PPM1L: variants seen among roughly 807,000 people sequenced by gnomAD.
The protein encoded by PPM1L is protein phosphatase, Mg2+/Mn2+ dependent 1L.
PPM1L carries 13 observed loss-of-function variants against 31.4 expected under a neutral mutation model. The ratio of observed to expected loss-of-function variants is 0.41; its 90% CI spans 0.27 to 0.66. PPM1L has a LOEUF of 0.66. PPM1L is among the 30% of genes least tolerant of loss of function. The probability of loss-of-function intolerance (pLI) is 0.29; values close to 1 mark genes in which losing one functional copy is unlikely to be tolerated. For missense variants in PPM1L, 326 were observed against 453.7 expected (o/e 0.72, Z 2.56); for synonymous variants, 184 against 175.4 (o/e 1.05, Z -0.39).
chr3:160,935,737 A>G (rs1007985914), intron 1 of PPM1L, among the ~76,000 whole-genome samples: 1 of 152,230 alleles, frequency 6.6e-6, no homozygotes, highest in Non-Finnish European at 1.5e-5. Context: ...TTGATATTTA[A>G]TTACTAGCTG....
chr3:160,948,663 G>C (rs1715483621), intron 1 of PPM1L, among the ~76,000 whole-genome samples: 1 of 152,182 alleles, frequency 6.6e-6, no homozygotes, highest in Non-Finnish European at 1.5e-5. Context: ...TTTGCTTCAG[G>C]AAAGGGCTCA....
At chr3:160,837,442 C>T (rs1713754558) in intron 1 of PPM1L, among the ~76,000 whole-genome samples, 1 of 152,190 alleles carries the variant, frequency 6.6e-6, no homozygotes, top group Admixed American at 6.5e-5. Flanking sequence ...CTGTTATTGT[C>T]AAGATAAAGT....
chr3:160,843,424 T>TATA (rs1713955149), intron 1 of PPM1L, among the ~76,000 whole-genome samples: 1 of 50,094 alleles, frequency 2.0e-5, no homozygotes, highest in African/African-American at 6.4e-5. Flanking sequence ...ATGGCAATTC[T>TATA]TTTATATATA....
intron 1 of PPM1L, among the ~76,000 whole-genome samples, chr3:160,766,183 T>A (rs762197362): frequency 1.5e-4 from 23 of 152,154 alleles, no homozygotes; most frequent in Non-Finnish European, 2.6e-4. Context: ...GCATTTTTAT[T>A]AATATTTATA....
intron 1 of PPM1L, among the ~76,000 whole-genome samples, chr3:160,918,166 A>G (rs906260146): frequency 1.3e-4 from 20 of 152,202 alleles, no homozygotes; most frequent in African/African-American, 2.4e-4. Flanking sequence ...ACAACCCCAT[A>G]TGGTGATTAC....
At chr3:160,855,115 G>A (rs1711643220) in intron 1 of PPM1L, among the ~76,000 whole-genome samples, 1 of 152,052 alleles carries the variant, frequency 6.6e-6, no homozygotes, top group South Asian at 2.1e-4. Flanking sequence ...ACAAAAACAA[G>A]CAATGGAGAA....
intron 1 of PPM1L, among the ~76,000 whole-genome samples, chr3:160,848,075 C>T (rs1714137283): frequency 6.6e-6 from 1 of 152,138 alleles, no homozygotes; most frequent in Non-Finnish European, 1.5e-5. Context: ...CAGGGTTCAT[C>T]TTTTACTCAT....
chr3:160,863,615 G>C (rs1339225893), intron 1 of PPM1L, among the ~76,000 whole-genome samples: 2 of 152,172 alleles, frequency 1.3e-5, no homozygotes, highest in Admixed American at 1.3e-4. Flanking sequence ...TGTACAGTGT[G>C]ATCCGAAGTT....
At chr3:160,802,815 CT>C (rs1181052286) in intron 1 of PPM1L, among the ~76,000 whole-genome samples, 2 of 152,094 alleles carry the variant, frequency 1.3e-5, no homozygotes, top group African/African-American at 2.4e-5. Context: ...TTAAAAGGTA[CT>C]TTTTTTAAAG....
At chr3:160,776,385 A>G (rs1339539397) in intron 1 of PPM1L, among the ~76,000 whole-genome samples, 3 of 152,308 alleles carry the variant, frequency 2.0e-5, no homozygotes, top group Admixed American at 1.3e-4. Context: ...CTAGAGAAAG[A>G]TGGTCTCATA....
intron 2 of PPM1L, among the ~76,000 whole-genome samples, chr3:160,963,174 A>C (rs561545472): frequency 7.9e-5 from 12 of 152,142 alleles, no homozygotes; most frequent in African/African-American, 2.6e-4. Context: ...TAGTCCGCCC[A>C]CTTCTTGCCC....
At chr3:161,043,812 G>A (rs1317621024) in intron 2 of PPM1L, among the ~76,000 whole-genome samples, 4 of 152,292 alleles carry the variant, frequency 2.6e-5, no homozygotes, top group South Asian at 4.2e-4. Context: ...CCTTTCAGCA[G>A]TAAATTGGTC....
chr3:160,958,187 T>A (rs916944605), intron 1 of PPM1L, among the ~76,000 whole-genome samples: 25 of 152,200 alleles, frequency 1.6e-4, no homozygotes, highest in African/African-American at 6.0e-4. Context: ...CAATTTTTGC[T>A]TTTTTTGCAA....
At chr3:160,856,927 G>T (rs542757049) in intron 1 of PPM1L, among the ~76,000 whole-genome samples, 1 of 151,794 alleles carries the variant, frequency 6.6e-6, no homozygotes, top group Non-Finnish European at 1.5e-5. Context: ...TTTTGTAGTT[G>T]ATTGTTTAAT....
chr3:160,900,383 A>AT (rs1713498668), intron 1 of PPM1L, among the ~76,000 whole-genome samples: 1 of 151,558 alleles, frequency 6.6e-6, no homozygotes, highest in African/African-American at 2.4e-5. Flanking sequence ...GACTTTATTG[A>AT]TTTTTTAAAA....
rs1323519192 is a variant in PPM1L at position 161,068,954 on chromosome 3, C to G, written c.880C>G (p.Pro294Ala). ...ILTFDLDKLQPEFMILASDGL... is the reference protein window; with the variant it reads ...ILTFDLDKLQAEFMILASDGL... The stretch of plus-strand genomic sequence containing the variant: ...GACCTTTGACCTGGACAAGCTTCAG[C>G]CTGAGTTCATGATCTTGGCATCAGA... Residue 294 changes from proline to alanine, a missense_variant, in exon 4 of 4, where the codon CCT (proline) becomes GCT (alanine). Pro to Ala is a conservative substitution (Grantham distance 27). Coordinates refer to ENST00000498165, the MANE Select transcript of PPM1L (RefSeq NM_139245.4). 6.2e-7 allele frequency: 1 copy of G among 1,614,184 alleles called. No individual in the cohort carries two copies. The highest frequency in any genetic ancestry group is 1.1e-5 in the South Asian group (1 of 91,080).
At chr3:160,950,457 C>T (rs1478963460) in intron 1 of PPM1L, among the ~76,000 whole-genome samples, 2 of 152,164 alleles carry the variant, frequency 1.3e-5, no homozygotes, top group Admixed American at 1.3e-4. Context: ...CTTCTCCATA[C>T]CCCAACTACA....
chr3:160,963,663 G>A (rs1475447227), intron 2 of PPM1L, among the ~76,000 whole-genome samples: 2 of 152,126 alleles, frequency 1.3e-5, no homozygotes, highest in Admixed American at 6.6e-5. Flanking sequence ...AAGAGAAGGG[G>A]GATGCATTCT....
chr3:161,007,163 G>A lies in PPM1L; in HGVS notation c.574+45253G>A, dbSNP rs74583561. The stretch of plus-strand genomic sequence containing the variant: ...ACACTCAACGACCTATATTCTAATG[G>A]AGGGGGCACATTAAACAACAAGTAA... On this transcript the variant is annotated intron_variant, in intron 2 of 3. Coordinates refer to ENST00000498165, the MANE Select transcript of PPM1L (RefSeq NM_139245.4). Among the ~76,000 whole-genome samples the A allele has an allele frequency of 3.0e-4, 45 of 152,300 alleles. No homozygotes were observed. The East Asian group carries it at 6.6e-3, about 22-fold the overall frequency.
Sources: gnomAD v4.1 joint callset for allele counts (sites outside exome capture counted in the v4.1 genomes callset) on GRCh38, gnomAD v4.1.1 for gene constraint, MANE v1.5 for transcripts, NCBI Gene and HGNC (gene_info 2026-07-23, HGNC 2026-07-21) for gene names.